Variants in NBAS observed in about 807,000 individuals in gnomAD.
NBAS encodes NBAS subunit of NRZ tethering complex.
Under a neutral mutation model 302.5 loss-of-function variants are expected in NBAS, and 219 were observed. The observed-to-expected ratio is 0.72, with a 90% CI of 0.65 to 0.81. The LOEUF (loss-of-function observed/expected upper bound fraction) is 0.81. Ranked by LOEUF, NBAS falls within the 30% of genes least tolerant of loss-of-function variation. NBAS has a pLI of 0.00. For synonymous variants in NBAS, 1,118 were observed against 1,021.6 expected, an observed-to-expected ratio of 1.09 and a Z score of -1.80; for missense variants, 2,932 against 2,841.6, an observed-to-expected ratio of 1.03 and a Z score of -0.72.
intron 9 of NBAS, among the ~76,000 whole-genome samples, chr2:15,528,919 A>G (rs554507103): frequency 1.5e-3 from 107 of 73,460 alleles, no homozygotes; most frequent in Non-Finnish European, 3.0e-3. Flanking sequence ...ATATATACAC[A>G]CACACATATA....
At chr2:15,051,493 G>A in the NBAS span, among the ~76,000 whole-genome samples, 2 of 152,190 alleles carry the variant, frequency 1.3e-5, no homozygotes, top group Non-Finnish European at 2.9e-5. Context: ...TGACCTTGGA[G>A]CAGGAGACCT....
At chr2:14,986,941 T>G in the NBAS span, among the ~76,000 whole-genome samples, 1 of 152,108 alleles carries the variant, frequency 6.6e-6, no homozygotes, top group Admixed American at 6.5e-5. Flanking sequence ...TAATTATAAA[T>G]TCTGAAATAC....
At chr2:15,125,092 C>A in the NBAS span, among the ~76,000 whole-genome samples, 1 of 152,204 alleles carries the variant, frequency 6.6e-6, no homozygotes, top group Non-Finnish European at 1.5e-5. Context: ...CAACTCCAAC[C>A]TGTTAGAGCA....
Position 15,292,674 on chromosome 2 carries a change from C to T in NBAS, c.4890G>A (p.Lys1630=), listed in dbSNP as rs1670362003. ...GACGTTCATTGTAGCAGTGTAACTG[C>T]TTGGTCAGTGAAATAAGGTCTTCAG... The part of the protein sequence containing the change: ...AWPEDLISLT[K]QLHCYNERLL... Residue 1630 remains lysine, a synonymous_variant, in exon 41 of 52, where the codon AAG becomes AAA. Transcript: ENST00000281513. 6.2e-7 allele frequency: 1 copy of T among 1,614,050 alleles called. No homozygotes were observed. Among genetic ancestry groups the T allele is most frequent in the South Asian group, 1.1e-5 (1 of 91,080 alleles).
chr2:15,368,127 T>C (rs904165805), intron 31 of NBAS, among the ~76,000 whole-genome samples: 12 of 151,596 alleles, frequency 7.9e-5, no homozygotes, highest in Non-Finnish European at 1.3e-4. Flanking sequence ...CATTTGAGAA[T>C]AAGTTGCAAA....
rs3815603 is a variant in NBAS, at chr2:15,486,070, G to A, written c.1083+2824C>T. 8.5e-3 allele frequency among the ~76,000 whole-genome samples: 1,288 copies of A among 152,194 alleles called. 20 individuals are homozygous for A. The highest frequency in any genetic ancestry group is 0.059 in the East Asian group (302 of 5,162). On this transcript the variant is annotated intron_variant, in intron 12 of 51. Transcript: ENST00000281513. ...AGGAAAGGGAGGGGTGGCCGACCCC[G>A]GCCTGTGCTGTGATGAACTCTGAAC...
chr2:15,522,770 G>A (rs1035933391), intron 9 of NBAS, among the ~76,000 whole-genome samples: 2 of 152,196 alleles, frequency 1.3e-5, no homozygotes, highest in South Asian at 2.1e-4. Context: ...CTAAATCCAC[G>A]TATAACTTTT....
chr2:15,009,862 A>T, the NBAS span, among the ~76,000 whole-genome samples: 1 of 151,964 alleles, frequency 6.6e-6, no homozygotes, highest in Non-Finnish European at 1.5e-5. Flanking sequence ...AGTTTGCAAC[A>T]CAGAACTAGA....
In NBAS at chr2:15,474,151, T is replaced by A. The variant is rs571249079; in HGVS notation, c.1515A>T (p.Pro505=). 2.5e-6 allele frequency: 4 copies of A among 1,614,120 alleles called. No individual in the cohort carries two copies. The highest frequency in any genetic ancestry group is 1.7e-5 in the Admixed American group (1 of 60,022). ...TAGTAATGGTTCGTGGGCGTTTCCG[T>A]GGTGGTGCAAATCGCTCCATTTCAG... ...LVTEMERFAP[P]RKRPRTITKN... Residue 505 remains proline (P), a synonymous_variant, in exon 15 of 52, where the codon CCA becomes CCT. Coordinates refer to ENST00000281513, the MANE Select transcript of NBAS (RefSeq NM_015909.4).
At chr2:15,224,035 T>C (rs935838835) in intron 47 of NBAS, among the ~76,000 whole-genome samples, 12 of 152,154 alleles carry the variant, frequency 7.9e-5, no homozygotes, top group Non-Finnish European at 1.3e-4. Flanking sequence ...GTCCGAAAGA[T>C]AGGAAGTCAT....
intron 11 of NBAS, among the ~76,000 whole-genome samples, chr2:15,496,097 T>TATAC (rs1553325860): frequency 6.9e-6 from 1 of 143,964 alleles, no homozygotes; most frequent in Non-Finnish European, 1.5e-5. Flanking sequence ...CATATACAGA[T>TATAC]ACACACACAC....
At chr2:15,001,252 T>C in the NBAS span, among the ~76,000 whole-genome samples, 1 of 151,874 alleles carries the variant, frequency 6.6e-6, no homozygotes, top group Non-Finnish European at 1.5e-5. Context: ...TATACACATA[T>C]AGAGAGAGAG....
At chr2:15,088,412 G>A in the NBAS span, among the ~76,000 whole-genome samples, 276 of 152,240 alleles carry the variant, frequency 1.8e-3, 1 homozygote, top group African/African-American at 5.5e-3. Flanking sequence ...CTGTTTCTCT[G>A]CAAAGGCTCA....
the NBAS span, among the ~76,000 whole-genome samples, chr2:15,057,660 A>C: frequency 6.6e-6 from 1 of 152,172 alleles, no homozygotes; most frequent in East Asian, 1.9e-4. Context: ...CCCACATATC[A>C]GTGAGAACAT....
chr2:15,015,706 G>T, the NBAS span, among the ~76,000 whole-genome samples: 4 of 152,148 alleles, frequency 2.6e-5, no homozygotes, highest in Admixed American at 2.6e-4. Context: ...AAAGCTGAAA[G>T]CTTTTTCTCT....
chr2:14,924,956 C>A, the NBAS span, among the ~76,000 whole-genome samples: 3 of 152,312 alleles, frequency 2.0e-5, no homozygotes, highest in African/African-American at 7.2e-5. Context: ...TATTCTCTGG[C>A]ACCTGACAGA....
At chr2:14,950,338 G>A in the NBAS span, among the ~76,000 whole-genome samples, 1 of 152,134 alleles carries the variant, frequency 6.6e-6, no homozygotes, top group African/African-American at 2.4e-5. Flanking sequence ...TGCAAGTGCT[G>A]TTAATTCATT....
At chr2:15,034,256 G>GAAAGAAA in the NBAS span, among the ~76,000 whole-genome samples, 11 of 96,456 alleles carry the variant, frequency 1.1e-4, no homozygotes, top group East Asian at 2.2e-3. Context: ...AAGAAAGAAA[G>GAAAGAAA]AAAGAAAGAA....
intron 44 of NBAS, among the ~76,000 whole-genome samples, chr2:15,264,762 G>T (rs1402614202): frequency 6.6e-6 from 1 of 152,130 alleles, no homozygotes; most frequent in East Asian, 1.9e-4. Flanking sequence ...TCATGGAGCT[G>T]GTGGGACAAT....
Sources: gnomAD v4.1 joint callset for allele counts (sites outside exome capture counted in the v4.1 genomes callset) on GRCh38, gnomAD v4.1.1 for gene constraint, MANE v1.5 for transcripts, NCBI Gene and HGNC (gene_info 2026-07-23, HGNC 2026-07-21) for gene names.